MSI2: variants seen among roughly 807,000 people sequenced by gnomAD.
MSI2 encodes musashi RNA binding protein 2.
MSI2 carries 17 observed loss-of-function variants against 45.6 expected under a neutral mutation model. That is an observed-to-expected ratio of 0.37 (90% CI 0.26 to 0.56). MSI2 has a LOEUF of 0.56. MSI2 is among the 20% of genes least tolerant of loss of function. MSI2 has a pLI of 0.77. For missense variants in MSI2, 293 were observed against 444.2 expected, an observed-to-expected ratio of 0.66 and a Z score of 3.06; for synonymous variants, 156 against 158.2, an observed-to-expected ratio of 0.99 and a Z score of 0.11.
intron 7 of MSI2, among the ~76,000 whole-genome samples, chr17:57,558,680 G>C (rs28593585): frequency 0.54 from 82,054 of 152,132 alleles, 23,352 homozygotes; most frequent in African/African-American, 0.74. Flanking sequence ...AGAGCAAAGA[G>C]AGGCTTGCTG....
chr17:57,292,414 A>C (rs142336280), intron 5 of MSI2, among the ~76,000 whole-genome samples: 19 of 152,230 alleles, frequency 1.2e-4, no homozygotes, highest in Non-Finnish European at 2.6e-4. Context: ...GGGCAGAGTG[A>C]GTATGAAAGG....
chr17:57,299,227 G>C (rs1045503071), intron 5 of MSI2, among the ~76,000 whole-genome samples: 5 of 152,300 alleles, frequency 3.3e-5, no homozygotes, highest in Non-Finnish European at 7.3e-5. Flanking sequence ...AACTTTCTCC[G>C]TATCAGCAAT....
chr17:57,506,910 A>G (rs1459320619), intron 6 of MSI2, among the ~76,000 whole-genome samples: 1 of 152,148 alleles, frequency 6.6e-6, no homozygotes, highest in African/African-American at 2.4e-5. Flanking sequence ...TGTTGGGGTC[A>G]GGGAGGATCT....
At chr17:57,570,984 G>A (rs765752934) in intron 7 of MSI2, among the ~76,000 whole-genome samples, 3 of 152,206 alleles carry the variant, frequency 2.0e-5, no homozygotes, top group Admixed American at 6.5e-5. Flanking sequence ...TCCCCCTGCA[G>A]ATTTGAGCAA....
chr17:57,446,004 A>G lies in MSI2; in HGVS notation c.405+44533A>G, dbSNP rs554180000. On this transcript the variant is annotated intron_variant, in intron 6 of 13. Coordinates refer to ENST00000284073, the MANE Select transcript of MSI2 (RefSeq NM_138962.4). ...GGGATACAGAGGTGAGTAAGACGGC[A>G]AGCTCTTTGCTCTCATGAAGTTTGT... is the stretch of plus-strand genomic sequence containing the variant. Among the ~76,000 whole-genome samples, 25 of 152,308 alleles carry G rather than the reference A, an allele frequency of 1.6e-4. No individual in the cohort carries two copies. The East Asian group carries it at 3.3e-3, about 20-fold the overall frequency.
chr17:57,662,533 G>T (rs558654478), intron 11 of MSI2, among the ~76,000 whole-genome samples: 1 of 152,308 alleles, frequency 6.6e-6, no homozygotes, highest in East Asian at 1.9e-4. Context: ...GTTTGGAAAG[G>T]ATAGTAGCTT....
chr17:57,564,567 G>A (rs537733843), intron 7 of MSI2, among the ~76,000 whole-genome samples: 5 of 152,234 alleles, frequency 3.3e-5, no homozygotes, highest in Admixed American at 6.5e-5. Context: ...TCTGAGTCCT[G>A]GGCAGGGTTC....
intron 5 of MSI2, among the ~76,000 whole-genome samples, chr17:57,292,252 G>C (rs1758440446): frequency 6.6e-6 from 1 of 152,190 alleles, no homozygotes; most frequent in Admixed American, 6.5e-5. Context: ...AAGAGATAGA[G>C]ACTTTGCCTG....
chr17:57,594,455 G>A (rs958365274), intron 7 of MSI2, among the ~76,000 whole-genome samples: 2 of 152,216 alleles, frequency 1.3e-5, no homozygotes, highest in Non-Finnish European at 2.9e-5. Context: ...TACCCCAGTA[G>A]GGTGAGCTGA....
chr17:57,264,257 C>G (rs761379306), intron 5 of MSI2: 1 of 152,032 alleles, frequency 6.6e-6, no homozygotes, highest in Non-Finnish European at 1.5e-5. Context: ...CTTCCTTGAA[C>G]CTTCGTTTTT....
rs537996899 is a variant in MSI2, at chr17:57,491,098, A to G, written c.406-38578A>G. On this transcript the variant is annotated intron_variant, in intron 6 of 13. Transcript: ENST00000284073. ...AGCTTGCAGGTGTCCTGGCGCTGGGATAAAAGGGCTTATCCTTGAGACCTC... is the reference window on the plus strand; with the variant it reads ...AGCTTGCAGGTGTCCTGGCGCTGGGGTAAAAGGGCTTATCCTTGAGACCTC... Among the ~76,000 whole-genome samples, 5 of 152,324 alleles carry G rather than the reference A, an allele frequency of 3.3e-5. 1 individual carries two copies. The East Asian group carries it at 5.8e-4, about 18-fold the overall frequency.
At chr17:57,673,795 ACT>A (rs1403454889) in intron 11 of MSI2, among the ~76,000 whole-genome samples, 1 of 151,544 alleles carries the variant, frequency 6.6e-6, no homozygotes, top group Non-Finnish European at 1.5e-5. Context: ...TGTCAAGTCC[ACT>A]CTCTCTGTAG....
rs1432603081 is a variant in MSI2, at chr17:57,684,005, G to C, written c.*4488G>C. 1 of 228,180 alleles carries C rather than the reference G, an allele frequency of 4.4e-6. No individual in the cohort carries two copies. Among genetic ancestry groups the C allele is most frequent in the Non-Finnish European group, 8.7e-6 (1 of 115,106 alleles). The allele number at this position is 228,180 out of a possible 1,614,324, so 14.1% of individuals were successfully genotyped here. A position where few individuals can be genotyped will look rare whatever the true frequency, so the allele number is the denominator to read the frequency against. On this transcript the variant is annotated 3_prime_UTR_variant, in exon 14 of 14. Transcript: ENST00000284073. ...TAAATAAAATCCATCCCTCTTGTCG[G>C]GGACCTGCAGGGGGGCAACCTTAAT...
At chr17:57,360,831 G>A (rs1039346433) in intron 5 of MSI2, among the ~76,000 whole-genome samples, 7 of 152,186 alleles carry the variant, frequency 4.6e-5, no homozygotes, top group African/African-American at 1.2e-4. Flanking sequence ...TGATATAATT[G>A]ACCCTTTGTA....
Position 57,563,098 on chromosome 17 carries a change from CAAAAAAAAAAAA to C in MSI2, c.454+33386_454+33397del, listed in dbSNP as rs59975200. Among the ~76,000 whole-genome samples, 21 of 71,262 alleles carry C rather than the reference CAAAAAAAAAAAA, an allele frequency of 2.9e-4. 1 individual carries two copies. In the Admixed American group the frequency reaches 3.2e-3, roughly 11 times the overall value. 46.8% of individuals were successfully genotyped at this position (71,262 alleles called of 152,430 possible). ...GGGTGACAGAGCAAAACTTCGTCTC[CAAAAAAAAAAAA>C]AAAAAAAAAAACAGTGCATAGATTT... On this transcript the variant is annotated intron_variant, in intron 7 of 13. Coordinates refer to ENST00000284073, the MANE Select transcript of MSI2 (RefSeq NM_138962.4).
At chr17:57,339,795 T>C (rs774516357) in intron 5 of MSI2, among the ~76,000 whole-genome samples, 12 of 152,152 alleles carry the variant, frequency 7.9e-5, no homozygotes, top group Non-Finnish European at 1.6e-4. Context: ...CCTTTGGGTC[T>C]CCTGACTCCC....
chr17:57,527,783 CT>C (rs1555618988), intron 6 of MSI2, among the ~76,000 whole-genome samples: 1 of 152,248 alleles, frequency 6.6e-6, no homozygotes, highest in Non-Finnish European at 1.5e-5. Context: ...CTACCCCCAT[CT>C]TCCATTCTTA....
At chr17:57,490,723 T>G (rs2085853570) in intron 6 of MSI2, among the ~76,000 whole-genome samples, 1 of 152,252 alleles carries the variant, frequency 6.6e-6, no homozygotes, top group South Asian at 2.1e-4. Context: ...CTTGGTGAGA[T>G]GCCCTGATGT....
chr17:57,351,028 T>C (rs792390), intron 5 of MSI2, among the ~76,000 whole-genome samples: 1 of 152,062 alleles, frequency 6.6e-6, no homozygotes. Context: ...GAAATTCAGC[T>C]GTTGTGGAGG....
Sources: gnomAD v4.1 joint callset for allele counts (sites outside exome capture counted in the v4.1 genomes callset) on GRCh38, gnomAD v4.1.1 for gene constraint, MANE v1.5 for transcripts, NCBI Gene and HGNC (gene_info 2026-07-23, HGNC 2026-07-21) for gene names.